The following L2HGDH variants were observed in gnomAD, a reference collection of about 807,000 sequenced individuals.
The protein encoded by L2HGDH is L-2-hydroxyglutarate dehydrogenase, also known as L-2-hydroxyglutarate dehydrogenase, mitochondrial.
L2HGDH carries 34 observed loss-of-function variants against 51.5 expected under a neutral mutation model. That is an observed-to-expected ratio of 0.66 (90% CI 0.50 to 0.88). The LOEUF is 0.88. Among genes scored for constraint, L2HGDH ranks in the 40% least tolerant of loss-of-function variants. The pLI is 0.00. For synonymous variants in L2HGDH, 198 were observed against 197.9 expected, an observed-to-expected ratio of 1.00 and a Z score of -0.01; for missense variants, 558 against 571.9, an observed-to-expected ratio of 0.98 and a Z score of 0.25.
chr14:50,256,103 C>T (rs1888654377), intron 9 of L2HGDH, among the ~76,000 whole-genome samples: 1 of 152,108 alleles, frequency 6.6e-6, no homozygotes, highest in Non-Finnish European at 1.5e-5. Flanking sequence ...TGTCATATGT[C>T]AAGCATTACA....
Position 50,245,316 on chromosome 14 carries a change from G to A in L2HGDH, c.*1742C>T. On this transcript the variant is annotated 3_prime_UTR_variant, in exon 10 of 10. Transcript: ENST00000267436. Reference sequence around the variant, plus strand: ...TTGGAGTTCTATACATCAGTGTCAGGATTCTAAAACTGCTCTCATAAAAAT... The same window carrying A: ...TTGGAGTTCTATACATCAGTGTCAGAATTCTAAAACTGCTCTCATAAAAAT... 1 of 985,016 alleles carries A rather than the reference G, an allele frequency of 1.0e-6. No homozygotes were observed. Among genetic ancestry groups the A allele is most frequent in the Non-Finnish European group, 1.2e-6 (1 of 829,620 alleles). 61.0% of individuals were successfully genotyped at this position (985,016 alleles called of 1,614,324 possible).
At chr14:50,261,651 A>T (rs1034555506) in intron 9 of L2HGDH, among the ~76,000 whole-genome samples, 2 of 146,114 alleles carry the variant, frequency 1.4e-5, no homozygotes, top group Non-Finnish European at 3.0e-5. Context: ...CCAGCTAATT[A>T]AAAAAAAAAA....
intron 6 of L2HGDH, among the ~76,000 whole-genome samples, chr14:50,275,168 T>C (rs1889906915): frequency 6.6e-6 from 1 of 150,656 alleles, no homozygotes; most frequent in African/African-American, 2.4e-5. Flanking sequence ...AGGTGGCAGA[T>C]ATGATATCAA....
At chr14:50,293,230 G>T in intron 4 of L2HGDH, 1 of 702,370 alleles carries the variant, frequency 1.4e-6, no homozygotes, top group Admixed American at 2.0e-5. Context: ...CAATACTGCA[G>T]CACAGTGGGA....
rs893179903 is a variant in L2HGDH at position 50,267,823 on chromosome 14, C to G, written c.994G>C (p.Ala332Pro). The G allele has an allele frequency of 6.2e-7, 1 of 1,613,902 alleles. No homozygotes were observed. The highest frequency in any genetic ancestry group is 8.5e-7 in the Non-Finnish European group (1 of 1,179,796). ...GGTCTGTAACCCTCTCGTTTAAAGG[C>G]AAGAACTGCATTAGGCCCTAGCCAA... is the stretch of plus-strand genomic sequence containing the variant. ...SIWLGPNAVL[A>P]FKREGYRPFD... Residue 332 changes from alanine (A) to proline (P), a missense_variant, in exon 8 of 10, where the codon GCC (alanine) becomes CCC (proline). Physicochemically the swap from Ala to Pro is conservative, Grantham distance 27. This residue lies in a region of L2HGDH where 321 missense variants were observed against 311.8 expected (regional missense o/e 1.03). Transcript: ENST00000267436.
intron 8 of L2HGDH, among the ~76,000 whole-genome samples, chr14:50,266,952 C>T (rs1889369283): frequency 6.6e-6 from 1 of 152,188 alleles, no homozygotes; most frequent in Non-Finnish European, 1.5e-5. Context: ...AAGGAAATTA[C>T]TTTGGTCATC....
chr14:50,277,774 A>AAATAATAAT, intron 6 of L2HGDH, among the ~76,000 whole-genome samples: 1 of 133,524 alleles, frequency 7.5e-6, no homozygotes, highest in Middle Eastern at 3.8e-3. Context: ...CTCCGTCTCA[A>AAATAATAAT]AATAATAATA....
At chr14:50,308,598 G>T (rs1409803271) in intron 1 of L2HGDH, among the ~76,000 whole-genome samples, 2 of 152,150 alleles carry the variant, frequency 1.3e-5, no homozygotes, top group East Asian at 1.9e-4. Context: ...TTTAAAAAGT[G>T]ATCACCCCAA....
intron 9 of L2HGDH, among the ~76,000 whole-genome samples, chr14:50,254,244 A>G (rs1045822577): frequency 6.6e-6 from 1 of 152,118 alleles, no homozygotes; most frequent in African/African-American, 2.4e-5. Flanking sequence ...CGAATAACCA[A>G]TTTTCCATAA....
intron 4 of L2HGDH, among the ~76,000 whole-genome samples, chr14:50,290,735 C>A (rs1016577199): frequency 1.3e-5 from 2 of 152,074 alleles, no homozygotes; most frequent in African/African-American, 4.8e-5. Flanking sequence ...ACAATCTCCA[C>A]TCACTGCAAC....
At chr14:50,270,708 G>T (rs975974179) in intron 6 of L2HGDH, among the ~76,000 whole-genome samples, 1 of 151,684 alleles carries the variant, frequency 6.6e-6, no homozygotes, top group Non-Finnish European at 1.5e-5. Context: ...GGGTTTCACC[G>T]TGTTAGCCAG....
At chr14:50,292,397 C>T (rs1890930041) in intron 4 of L2HGDH, among the ~76,000 whole-genome samples, 1 of 152,192 alleles carries the variant, frequency 6.6e-6, no homozygotes, top group Non-Finnish European at 1.5e-5. Context: ...CCTTACTCTA[C>T]CAGATATTCA....
chr14:50,273,929 T>C (rs1210565019), intron 6 of L2HGDH, among the ~76,000 whole-genome samples: 1 of 151,944 alleles, frequency 6.6e-6, no homozygotes, highest in East Asian at 1.9e-4. Context: ...AAATACAAAA[T>C]TAGCTGGGCA....
chr14:50,307,735 T>A (rs532022698), intron 1 of L2HGDH, among the ~76,000 whole-genome samples: 11 of 152,234 alleles, frequency 7.2e-5, no homozygotes, highest in Non-Finnish European at 2.9e-5. Flanking sequence ...GATGCAAATC[T>A]TAAACACCAC....
In L2HGDH at chr14:50,311,969, G is replaced by A. The variant is rs2031237902; in HGVS notation, c.140+42C>T. The A allele has an allele frequency of 3.2e-6, 5 of 1,542,918 alleles. No individual in the cohort carries two copies. The East Asian group carries it at 7.3e-5, about 22-fold the overall frequency. Reference sequence around the variant, plus strand: ...GTCCACCACCAGGTGCCTCCGCGAGGGGCAGCAGCGCAGGCGGCGGGGAGG... The same window carrying A: ...GTCCACCACCAGGTGCCTCCGCGAGAGGCAGCAGCGCAGGCGGCGGGGAGG... On this transcript the variant is annotated intron_variant, in intron 1 of 9. Transcript: ENST00000267436.
chr14:50,260,849 C>T (rs1320365993), intron 9 of L2HGDH, among the ~76,000 whole-genome samples: 1 of 152,146 alleles, frequency 6.6e-6, no homozygotes, highest in East Asian at 1.9e-4. Context: ...GGCACGGTAG[C>T]TCACACCTGT....
chr14:50,242,660 T>TTCAATATGG lies in L2HGDH; in HGVS notation c.*4397_*4398insCCATATTGA. 1.0e-6 allele frequency: 1 copy of TTCAATATGG among 985,430 alleles called. No homozygotes were observed. The highest frequency in any genetic ancestry group is 1.2e-6 in the Non-Finnish European group (1 of 829,942). The allele number at this position is 985,430 out of a possible 1,614,324, so 61.0% of individuals were successfully genotyped here. On this transcript the variant is annotated 3_prime_UTR_variant, in exon 10 of 10. Coordinates refer to ENST00000267436, the MANE Select transcript of L2HGDH (RefSeq NM_024884.3). Reference sequence around the variant, plus strand: ...TATTTGAAAACATCTCGAGGCAGCTTTTGCTTTCCCAACCATTTCACCCTG... The same window carrying TTCAATATGG: ...TATTTGAAAACATCTCGAGGCAGCTTTCAATATGGTTGCTTTCCCAACCATTTCACCCTG...
At chr14:50,255,117 G>T (rs1484070514) in intron 9 of L2HGDH, among the ~76,000 whole-genome samples, 1 of 152,070 alleles carries the variant, frequency 6.6e-6, no homozygotes, top group Non-Finnish European at 1.5e-5. Context: ...TTTTTAACAT[G>T]AAATGTTTAA....
At chr14:50,264,284 A>G (rs542029131) in intron 9 of L2HGDH, among the ~76,000 whole-genome samples, 2 of 152,158 alleles carry the variant, frequency 1.3e-5, no homozygotes, top group Admixed American at 6.5e-5. Context: ...AGGCTGAGGC[A>G]GGGGAATTGC....
Sources: gnomAD v4.1 joint callset for allele counts (sites outside exome capture counted in the v4.1 genomes callset) on GRCh38, gnomAD v4.1.1 for gene constraint, gnomAD v4.1.1 regional missense constraint, MANE v1.5 for transcripts, NCBI Gene and HGNC (gene_info 2026-07-23, HGNC 2026-07-21) for gene names.